The following CENPE variants were observed in gnomAD, a reference collection of about 807,000 sequenced individuals.
CENPE encodes centromere protein E.
A neutral mutation model predicts 336.1 loss-of-function variants in CENPE; 145 were observed. The observed-to-expected ratio is 0.43, with a 90% CI of 0.38 to 0.50. The LOEUF is 0.50. CENPE is among the 20% of genes least tolerant of loss of function. The pLI is 0.00. For synonymous variants in CENPE, 1,013 were observed against 984.8 expected (o/e 1.03, Z -0.54); for missense variants, 2,719 against 3,023.3 (o/e 0.90, Z 2.36).
At chr4:103,154,270 G>T (rs1753788625) in intron 24 of CENPE, among the ~76,000 whole-genome samples, 2 of 151,264 alleles carry the variant, frequency 1.3e-5, no homozygotes, top group Non-Finnish European at 2.9e-5. Flanking sequence ...TACTTCTGGA[G>T]TTTTTTCCAT....
At chr4:103,183,054 G>A (rs1424298528) in intron 10 of CENPE, 147 bp downstream of exon 10, 1 of 862,074 alleles carries the variant, frequency 1.2e-6, no homozygotes, top group Non-Finnish European at 1.8e-6. Context: ...AAAACAGAAA[G>A]TAAATTCAGT....
rs758405727 is a variant in CENPE, at chr4:103,147,454, A to AT, written c.4035dup (p.Ser1346IlefsTer10). On this transcript the variant is annotated frameshift_variant, in exon 29 of 49. Coordinates refer to ENST00000265148, the MANE Select transcript of CENPE (RefSeq NM_001813.3). LOFTEE classifies it high-confidence loss of function. ...AGGTTGTCTCTTTCCTTGGTTAGAG[A>AT]TTTTATCTCTTCCTGACTTTCTTGA... 1 of 1,613,874 alleles carries AT rather than the reference A, an allele frequency of 6.2e-7. No homozygotes were observed. The highest frequency in any genetic ancestry group is 1.1e-5 in the South Asian group (1 of 91,076).
At chr4:103,196,700 T>C in intron 2 of CENPE, 59 bp downstream of exon 2, 1 of 813,116 alleles carries the variant, frequency 1.2e-6, no homozygotes, top group Non-Finnish European at 2.1e-6. Context: ...TGATAAGCCT[T>C]TTGTACTTTT....
Position 103,140,290 on chromosome 4 carries a change from T to A in CENPE, c.5879A>T (p.Asp1960Val), listed in dbSNP as rs377706987. The A allele has an allele frequency of 1.4e-5, 23 of 1,603,590 alleles. No homozygotes were observed. In the African/African-American group the frequency reaches 3.0e-4, roughly 21 times the overall value. ...TAATTCATCTTTTGATTTATCTAAA[T>A]CCTTTTGAATGTCTGAAATTTGAAT... ...KTIQISDIQKDLDKSKDELQK... is the reference protein window; with the variant it reads ...KTIQISDIQKVLDKSKDELQK... Residue 1960 changes from aspartate (D) to valine (V), a missense_variant, in exon 37 of 49, where the codon GAT becomes GTT. Coordinates refer to ENST00000265148, the MANE Select transcript of CENPE (RefSeq NM_001813.3).
chr4:103,160,570 T>G, intron 21 of CENPE, 55 bp downstream of exon 21: 2 of 1,454,604 alleles, frequency 1.4e-6, no homozygotes, highest in Non-Finnish European at 1.9e-6. Context: ...AAGGCACTAT[T>G]ATCGCAAAGG....
intron 24 of CENPE, among the ~76,000 whole-genome samples, chr4:103,157,626 G>A (rs1754071218): frequency 6.6e-6 from 1 of 152,052 alleles, no homozygotes; most frequent in Non-Finnish European, 1.5e-5. Context: ...TTTTGGTTTT[G>A]CAAGATGAAA....
intron 24 of CENPE, among the ~76,000 whole-genome samples, chr4:103,156,988 C>T (rs947492170): frequency 6.8e-6 from 1 of 148,138 alleles, no homozygotes; most frequent in African/African-American, 2.5e-5. Context: ...TTCAACATCA[C>T]TAATCATTAG....
At chr4:103,122,003 G>A (rs1455344930) in intron 43 of CENPE, among the ~76,000 whole-genome samples, 1 of 152,168 alleles carries the variant, frequency 6.6e-6, no homozygotes, top group Non-Finnish European at 1.5e-5. Flanking sequence ...CTTGTCTAAT[G>A]ATAGTAGCAT....
At chr4:103,143,556 T>C in intron 33 of CENPE, 150 bp from the exon 34 acceptor site, 1 of 609,790 alleles carries the variant, frequency 1.6e-6, no homozygotes, top group Non-Finnish European at 2.9e-6. Context: ...GTCAATACAT[T>C]CTAGATACAC....
At chr4:103,180,257 A>C in intron 13 of CENPE, 54 bp downstream of exon 13, 1 of 1,480,108 alleles carries the variant, frequency 6.8e-7, no homozygotes, top group Non-Finnish European at 9.3e-7. Context: ...ACATATAGAA[A>C]TACCAATTCT....
Position 103,145,879 on chromosome 4 carries a change from G to T in CENPE, c.4363C>A (p.Gln1455Lys). Reference sequence around the variant, plus strand: ...TCTTTGAGCTGGTCACTTTCAGATTGAAGAACTTCTTGCAGCCTCTGTAGG... The same window carrying T: ...TCTTTGAGCTGGTCACTTTCAGATTTAAGAACTTCTTGCAGCCTCTGTAGG... ...DDLQRLQEVL[Q>K]SESDQLKENI... The change falls in exon 30 of 49, where the codon CAA (glutamine) becomes AAA (lysine). Residue 1455 changes from glutamine to lysine, a missense_variant. Coordinates refer to ENST00000265148, the MANE Select transcript of CENPE (RefSeq NM_001813.3). The T allele has an allele frequency of 6.2e-7, 1 of 1,613,272 alleles. No homozygotes were observed.
chr4:103,143,588 C>T (rs890097600), intron 33 of CENPE, among the ~76,000 whole-genome samples, 182 bp from the exon 34 acceptor site: 1 of 148,486 alleles, frequency 6.7e-6, no homozygotes, highest in Non-Finnish European at 1.5e-5. Context: ...TTACCCTGTT[C>T]CCTAACAGGA....
In CENPE at chr4:103,133,901, A is replaced by G. The variant is rs1751835886; in HGVS notation, c.6523-9T>C. On this transcript the variant is annotated splice_polypyrimidine_tract_variant and intron_variant, in intron 40 of 48. Coordinates refer to ENST00000265148, the MANE Select transcript of CENPE (RefSeq NM_001813.3). ...ACATAGCTTAACACATACTTGCAGA[A>G]AAAAATTAAACAAATTGGTAAATGA... is the stretch of plus-strand genomic sequence containing the variant. The G allele has an allele frequency of 6.5e-7, 1 of 1,537,472 alleles. No individual in the cohort carries two copies. The highest frequency in any genetic ancestry group is 1.2e-5 in the South Asian group (1 of 84,654).
rs770690395 is a variant in CENPE, at chr4:103,196,127, A to T, written c.238+36T>A. 7.5e-6 allele frequency: 12 copies of T among 1,595,518 alleles called. No homozygotes were observed. The Admixed American group carries it at 1.8e-4, about 24-fold the overall frequency. ...CATGCTTGTTGCACAGACGCCCAAG[A>T]CTAAAATGTTTCTGCAGCATTGAGT... On this transcript the variant is annotated intron_variant, in intron 3 of 48. Transcript: ENST00000265148.
intron 9 of CENPE, among the ~76,000 whole-genome samples, chr4:103,184,980 G>C (rs1047306231): frequency 6.6e-6 from 1 of 151,922 alleles, no homozygotes; most frequent in Non-Finnish European, 1.5e-5. Flanking sequence ...ATTTTTTCAA[G>C]TATTTGTTTG....
chr4:103,183,107 A>G, intron 10 of CENPE, 94 bp downstream of exon 10: 1 of 971,660 alleles, frequency 1.0e-6, no homozygotes, highest in Non-Finnish European at 1.5e-6. Flanking sequence ...TATGGAAGAA[A>G]TCAGTACATT....
Position 103,147,396 on chromosome 4 carries a change from T to C in CENPE, c.4094A>G (p.His1365Arg), listed in dbSNP as rs34711108. The change falls in exon 29 of 49, where the codon CAT becomes CGT. Residue 1365 changes from histidine to arginine, a missense_variant. His to Arg is a conservative substitution (Grantham distance 29). Transcript: ENST00000265148. ...KTIKEALEVK[H>R]DQLKEHIRET... is the part of the protein sequence containing the mutation. ...TCTAATATGTTCTTTCAGCTGGTCA[T>C]GTTTAACTTCAAGGGCTTCTTTTAT... The C allele has an allele frequency of 1.2e-6, 2 of 1,611,808 alleles. No individual in the cohort carries two copies. Among genetic ancestry groups the C allele is most frequent in the Non-Finnish European group, 8.5e-7 (1 of 1,179,712 alleles).
chr4:103,191,627 A>G (rs1468844877), intron 8 of CENPE, among the ~76,000 whole-genome samples: 2 of 123,254 alleles, frequency 1.6e-5, no homozygotes, highest in East Asian at 5.9e-4. Flanking sequence ...GAAGGGGAAC[A>G]TCACACACCG....
At chr4:103,167,066 T>C (rs982895737) in intron 16 of CENPE, among the ~76,000 whole-genome samples, 6 of 152,220 alleles carry the variant, frequency 3.9e-5, no homozygotes, top group Non-Finnish European at 8.8e-5. Flanking sequence ...AATTTTCACA[T>C]AACTCTCTTA....
Sources: allele counts gnomAD v4.1 joint callset (sites outside exome capture counted in the v4.1 genomes callset), GRCh38; gene constraint gnomAD v4.1.1; transcripts MANE v1.5; gene names NCBI Gene and HGNC (gene_info 2026-07-23, HGNC 2026-07-21).